ZNF716: variants seen among roughly 807,000 people sequenced by gnomAD.
ZNF716 encodes the protein zinc finger protein 716.
In ZNF716, 9 loss-of-function variants were observed where a neutral mutation model predicts 13.4. The observed-to-expected ratio is 0.67, with a 90% confidence interval of 0.41 to 1.18. The LOEUF (loss-of-function observed/expected upper bound fraction) is 1.18. Ranked by LOEUF, ZNF716 falls within the 50% of genes most tolerant of loss-of-function variation. The pLI is 0.01. For missense variants in ZNF716, 581 were observed against 576.6 expected, an observed-to-expected ratio of 1.01 and a Z score of -0.08; for synonymous variants, 186 against 195.2, an observed-to-expected ratio of 0.95 and a Z score of 0.39.
At chr7:57,465,028 G>A (rs1235388039) in intron 3 of ZNF716, among the ~76,000 whole-genome samples, 1 of 152,102 alleles carries the variant, frequency 6.6e-6, no homozygotes, top group Non-Finnish European at 1.5e-5. Context: ...TGTTTTTCAT[G>A]TGTGTTTCTC....
At position 57,469,882 on chromosome 7, in the gene ZNF716, A is replaced by G; in HGVS notation, c.1421A>G (p.Lys474Arg). The G allele has an allele frequency of 6.3e-7, 1 of 1,594,954 alleles. No individual in the cohort carries two copies. Among genetic ancestry groups the G allele is most frequent in the East Asian group, 2.3e-5 (1 of 43,930 alleles). The change falls in exon 4 of 4, where the codon AAG (lysine) becomes AGG (arginine). Residue 474 changes from lysine to arginine, a missense_variant. Physicochemically the swap from Lys to Arg is conservative, Grantham distance 26. Coordinates refer to ENST00000420713, the MANE Select transcript of ZNF716 (RefSeq NM_001159279.1). ...YKCEECDQTFKWHSSLANHKN... is the reference protein window; with the variant it reads ...YKCEECDQTFRWHSSLANHKN... ...TGTGAAGAATGTGACCAAACTTTTA[A>G]GTGGCATTCAAGTCTTGCTAATCAT... is the stretch of plus-strand genomic sequence containing the variant.
intron 3 of ZNF716, among the ~76,000 whole-genome samples, chr7:57,466,636 C>T (rs1203936085): frequency 6.6e-6 from 1 of 152,122 alleles, no homozygotes; most frequent in Non-Finnish European, 1.5e-5. Flanking sequence ...GCATATACTT[C>T]TTGTATACTC....
Position 57,450,191 on chromosome 7 carries a change from G to C in ZNF716, c.-98G>C. 1 of 1,570,390 alleles carries C rather than the reference G, an allele frequency of 6.4e-7. No homozygotes were observed. The highest frequency in any genetic ancestry group is 8.7e-7 in the Non-Finnish European group (1 of 1,150,668). ...GGTTACGGGTTCTTTTTGCTTCTCT[G>C]CGCCCAGAGCTCCAGTCCTTCTCTT... On this transcript the variant is annotated 5_prime_UTR_variant, in exon 1 of 4. Coordinates refer to ENST00000420713, the MANE Select transcript of ZNF716 (RefSeq NM_001159279.1).
At chr7:57,457,128 A>G (rs1014817518) in intron 1 of ZNF716, among the ~76,000 whole-genome samples, 11 of 152,144 alleles carry the variant, frequency 7.2e-5, no homozygotes, top group Non-Finnish European at 1.5e-4. Flanking sequence ...CAAAGTGCCT[A>G]CAAGTTTCCT....
At chr7:57,457,041 C>T (rs976633157) in intron 1 of ZNF716, among the ~76,000 whole-genome samples, 5 of 152,276 alleles carry the variant, frequency 3.3e-5, no homozygotes, top group African/African-American at 1.2e-4. Flanking sequence ...CATCCACACC[C>T]CTCCCGGGAC....
At chr7:57,451,263 C>T (rs879955934) in intron 1 of ZNF716, among the ~76,000 whole-genome samples, 1 of 151,906 alleles carries the variant, frequency 6.6e-6, no homozygotes, top group Admixed American at 6.6e-5. Context: ...GATCCGCCTG[C>T]CTTGGCCTCC....
intron 3 of ZNF716, among the ~76,000 whole-genome samples, chr7:57,468,335 G>A (rs570152501): frequency 2.5e-4 from 38 of 152,126 alleles, no homozygotes; most frequent in Non-Finnish European, 3.8e-4. Flanking sequence ...AGAGAGAAAG[G>A]CTCCCATAAG....
At position 57,462,563 on chromosome 7, in the gene ZNF716, A is replaced by G. The variant is rs562898022; in HGVS notation, c.143A>G (p.Asn48Ser). Residue 48 changes from asparagine to serine, a missense_variant, in exon 2 of 4, where the codon AAC becomes AGC. Transcript: ENST00000420713. ...QNLYRDVMLENYRNLVSLGIA... is the reference protein window; with the variant it reads ...QNLYRDVMLESYRNLVSLGIA... The stretch of plus-strand genomic sequence containing the variant: ...TTATATAGAGATGTGATGTTAGAGA[A>G]CTACAGAAACCTGGTCTCCCTGGGT... 4.5e-5 allele frequency: 72 copies of G among 1,612,356 alleles called. No homozygotes were observed. The African/African-American group carries it at 8.4e-4, about 19-fold the overall frequency.
chr7:57,462,358 CTTATT>C, intron 1 of ZNF716, 97 bp from the exon 2 acceptor site: 1 of 1,350,818 alleles, frequency 7.4e-7, no homozygotes, highest in East Asian at 2.5e-5. Context: ...TTTTTACTCT[CTTATT>C]TAACATGAGT....
rs576714603 is a variant in ZNF716, at chr7:57,456,249, C to T, written c.39+5922C>T. Among the ~76,000 whole-genome samples, 288 of 152,238 alleles carry T rather than the reference C, an allele frequency of 1.9e-3. 2 individuals carry two copies. The highest frequency in any genetic ancestry group is 6.6e-3 in the African/African-American group (275 of 41,538). On this transcript the variant is annotated intron_variant, in intron 1 of 3. Coordinates refer to ENST00000420713, the MANE Select transcript of ZNF716 (RefSeq NM_001159279.1). The stretch of plus-strand genomic sequence containing the variant: ...GATTACAGGCGTGAGCCATCACGCC[C>T]GGCTTCTGGGTTGCATGTTTTATAG...
Position 57,469,396 on chromosome 7 carries a change from C to T in ZNF716, c.935C>T (p.Thr312Ile). The change falls in exon 4 of 4, where the codon ACT becomes ATT. Residue 312 changes from threonine to isoleucine, a missense_variant. Coordinates refer to ENST00000420713, the MANE Select transcript of ZNF716 (RefSeq NM_001159279.1). ...GKAFSRSSTL[T>I]NHKRIHTGER... Reference sequence around the variant, plus strand: ...GCCTTTAGCCGCTCTTCAACACTTACTAACCACAAGAGAATTCATACTGGA... The same window carrying T: ...GCCTTTAGCCGCTCTTCAACACTTATTAACCACAAGAGAATTCATACTGGA... The T allele has an allele frequency of 6.2e-7, 1 of 1,613,070 alleles. No homozygotes were observed.
chr7:57,450,352 A>G, intron 1 of ZNF716, 25 bp downstream of exon 1: 2 of 1,613,826 alleles, frequency 1.2e-6, no homozygotes, highest in Non-Finnish European at 1.7e-6. Context: ...TGTCACCGTG[A>G]GAGAGGGGTG....
In ZNF716 at chr7:57,468,772, A is replaced by T; in HGVS notation, c.311A>T (p.Lys104Ile). ...TQDLQSEQGI[K>I]DSLQKVILRR... ...GACCTTCAGTCAGAGCAGGGCATAA[A>T]AGATTCACTCCAAAAAGTGATACTG... Residue 104 changes from lysine to isoleucine, a missense_variant, in exon 4 of 4, where the codon AAA (lysine) becomes ATA (isoleucine). Lys to Ile is a moderately radical substitution (Grantham distance 102, BLOSUM62 -3). Transcript: ENST00000420713. 3 of 1,613,376 alleles carry T rather than the reference A, an allele frequency of 1.9e-6. No individual in the cohort carries two copies. The highest frequency in any genetic ancestry group is 2.5e-6 in the Non-Finnish European group (3 of 1,179,716).
In ZNF716 at chr7:57,469,536, A is replaced by G. The variant is rs1479013722; in HGVS notation, c.1075A>G (p.Lys359Glu). Residue 359 changes from lysine to glutamate, a missense_variant, in exon 4 of 4, where the codon AAA becomes GAA. Transcript: ENST00000420713. ...ACTCTACACATGTGAAGAATGTGGG[A>G]AAGCCTTTACCTTCTCCTCAACTCT... is the stretch of plus-strand genomic sequence containing the variant. Reference protein sequence around the residue: ...EKLYTCEECGKAFTFSSTLNT... With the variant: ...EKLYTCEECGEAFTFSSTLNT... The G allele has an allele frequency of 6.2e-7, 1 of 1,610,676 alleles. No individual in the cohort carries two copies. The highest frequency in any genetic ancestry group is 2.2e-5 in the East Asian group (1 of 44,734).
chr7:57,461,107 T>TAA (rs880000725), intron 1 of ZNF716, among the ~76,000 whole-genome samples: 17 of 118,486 alleles, frequency 1.4e-4, no homozygotes, highest in African/African-American at 5.1e-4. Context: ...TTGTCTCTGC[T>TAA]AAAAAAAAAA....
chr7:57,457,992 C>T lies in ZNF716; in HGVS notation c.40-4468C>T, dbSNP rs145650195. On this transcript the variant is annotated intron_variant, in intron 1 of 3. Transcript: ENST00000420713. The stretch of plus-strand genomic sequence containing the variant: ...TTGCTGCAAATGACATGATGTTGTT[C>T]TTTCTTATAACTGCATCGTATTTCA... 5.5e-4 allele frequency among the ~76,000 whole-genome samples: 84 copies of T among 152,298 alleles called. No individual in the cohort carries two copies. The Middle Eastern group carries it at 0.01, about 19-fold the overall frequency.
intron 3 of ZNF716, among the ~76,000 whole-genome samples, chr7:57,466,266 A>T (rs557095910): frequency 1.4e-4 from 21 of 152,140 alleles, no homozygotes; most frequent in Admixed American, 9.8e-4. Flanking sequence ...TGTGTGTCCA[A>T]CCGCAATATT....
Position 57,469,290 on chromosome 7 carries a change from G to A in ZNF716, c.829G>A (p.Val277Ile), listed in dbSNP as rs2116426252. The A allele has an allele frequency of 6.3e-7, 1 of 1,589,204 alleles. No individual in the cohort carries two copies. The highest frequency in any genetic ancestry group is 2.3e-5 in the East Asian group (1 of 43,362). ...TTACACATGTGAAGAACGTGGCAAA[G>A]TCTTTAGCCGCTCAACACTTACTAA... ...KPYTCEERGK[V>I]FSRSTLTNYK... The change falls in exon 4 of 4, where the codon GTC becomes ATC. Residue 277 changes from valine to isoleucine, a missense_variant. Physicochemically the swap from Val to Ile is conservative, Grantham distance 29. Coordinates refer to ENST00000420713, the MANE Select transcript of ZNF716 (RefSeq NM_001159279.1).
intron 1 of ZNF716, among the ~76,000 whole-genome samples, chr7:57,461,977 T>C (rs189812025): frequency 2.8e-4 from 42 of 152,158 alleles, no homozygotes; most frequent in African/African-American, 9.4e-4. Flanking sequence ...CTGGCCAACA[T>C]TGTGAAACCC....
Sources: allele counts gnomAD v4.1 joint callset (sites outside exome capture counted in the v4.1 genomes callset), GRCh38; gene constraint gnomAD v4.1.1; transcripts MANE v1.5; gene names NCBI Gene and HGNC (gene_info 2026-07-23, HGNC 2026-07-21).